The following CASK variants were observed in gnomAD, a reference collection of about 807,000 sequenced individuals.
The protein encoded by CASK is peripheral plasma membrane protein CASK.
Under a neutral mutation model 82.9 loss-of-function variants are expected in CASK, and 4 were observed. The observed-to-expected ratio is 0.05, with a 90% CI of 0.02 to 0.11. The LOEUF is 0.11. CASK is among the 10% of genes least tolerant of loss of function. CASK has a pLI of 1.00. For synonymous variants in CASK, 259 were observed against 253.5 expected (o/e 1.02, Z -0.20); for missense variants, 358 against 720.9 (o/e 0.50, Z 5.76).
chrX:41,623,354 C>T (rs2066315982), intron 10 of CASK, among the ~76,000 whole-genome samples: 2 of 112,421 alleles, frequency 1.8e-5, no homozygotes, highest in South Asian at 7.3e-4. Flanking sequence ...TATTAGATGA[C>T]AAGTTTTTAA....
At chrX:41,851,293 A>G (rs1474095004) in intron 2 of CASK, among the ~76,000 whole-genome samples, 1 of 112,138 alleles carries the variant, frequency 8.9e-6, no homozygotes, top group Non-Finnish European at 1.9e-5. Context: ...ATAGGACTTG[A>G]AGACATTTAT....
chrX:41,695,462 T>C (rs746565236), intron 5 of CASK: 21 of 430,838 alleles, frequency 4.9e-5, no homozygotes, highest in African/African-American at 4.3e-4. Context: ...ACCATAGGCG[T>C]GTGCTGGGAA....
intron 5 of CASK, among the ~76,000 whole-genome samples, chrX:41,734,373 T>C (rs1259886482): frequency 9.0e-6 from 1 of 111,206 alleles, no homozygotes; most frequent in East Asian, 2.8e-4. Flanking sequence ...TCTCAGTGCT[T>C]AGTAGAGCCC....
At chrX:41,660,750 G>C (rs1430768143) in intron 7 of CASK, among the ~76,000 whole-genome samples, 189 bp from the exon 8 acceptor site, 1 of 112,065 alleles carries the variant, frequency 8.9e-6, no homozygotes, top group Non-Finnish European at 1.9e-5. Context: ...TACTACATAA[G>C]AATTTGTGTT....
At chrX:41,802,875 T>C (rs59920901) in intron 2 of CASK, among the ~76,000 whole-genome samples, 1 of 111,485 alleles carries the variant, frequency 9.0e-6, no homozygotes, top group African/African-American at 3.3e-5. Flanking sequence ...CCATATGCTA[T>C]ATATTTTCAA....
chrX:41,913,026 T>G (rs930187871), intron 1 of CASK, among the ~76,000 whole-genome samples: 1 of 109,505 alleles, frequency 9.1e-6, no homozygotes, highest in African/African-American at 3.3e-5. Flanking sequence ...TCCTCTGTAA[T>G]GATTTCCCCA....
At chrX:41,567,513 G>A (rs2065337177) in intron 16 of CASK, among the ~76,000 whole-genome samples, 1 of 112,589 alleles carries the variant, frequency 8.9e-6, no homozygotes, top group South Asian at 3.6e-4. Flanking sequence ...GGTCATCAGA[G>A]AAATGCAAAT....
intron 8 of CASK, among the ~76,000 whole-genome samples, chrX:41,641,575 A>C (rs2066654452): frequency 8.9e-6 from 1 of 111,936 alleles, no homozygotes; most frequent in African/African-American, 3.2e-5. Flanking sequence ...GGTGTTAAAT[A>C]GGTATCATTT....
intron 2 of CASK, among the ~76,000 whole-genome samples, chrX:41,821,665 A>T (rs2147904988): frequency 8.9e-6 from 1 of 112,725 alleles, no homozygotes; most frequent in South Asian, 3.7e-4. Flanking sequence ...AAATGGATTT[A>T]AAAACTTTGC....
At chrX:41,543,820 T>C (rs768648561) in intron 21 of CASK, among the ~76,000 whole-genome samples, 13 of 112,286 alleles carry the variant, frequency 1.2e-4, no homozygotes, top group Non-Finnish European at 2.4e-4. Context: ...TTTACACTCC[T>C]ACCAGCAGTG....
At chrX:41,604,181 G>T (rs1445244480) in intron 12 of CASK, among the ~76,000 whole-genome samples, 1 of 108,426 alleles carries the variant, frequency 9.2e-6, no homozygotes, top group Non-Finnish European at 1.9e-5. Flanking sequence ...CACACGTGAA[G>T]AATTAATTCA....
chrX:41,744,640 G>A (rs983303245), intron 4 of CASK, among the ~76,000 whole-genome samples: 11 of 111,431 alleles, frequency 9.9e-5, no homozygotes, highest in African/African-American at 2.0e-4. Context: ...CACCGCGCCC[G>A]GCCCATATTT....
At chrX:41,695,735 A>T in intron 5 of CASK, 1 of 1,209,927 alleles carries the variant, frequency 8.3e-7, no homozygotes, top group Non-Finnish European at 1.1e-6. Flanking sequence ...ACCAACCGCC[A>T]CAAAACTTCT....
At chrX:41,681,939 T>C (rs1204655730) in intron 5 of CASK, among the ~76,000 whole-genome samples, 5 of 104,070 alleles carry the variant, frequency 4.8e-5, no homozygotes, top group Non-Finnish European at 9.8e-5. Context: ...AGAGCGAGAC[T>C]CCATCTTAAA....
chrX:41,727,369 A>G (rs778265760), intron 5 of CASK: 1 of 1,208,694 alleles, frequency 8.3e-7, no homozygotes, highest in Admixed American at 2.2e-5. Context: ...TTGGATTGCC[A>G]TAAGCCGCTA....
intron 5 of CASK, chrX:41,696,826 T>C (rs1235935550): frequency 2.4e-6 from 2 of 830,287 alleles, no homozygotes; most frequent in African/African-American, 4.1e-5. Flanking sequence ...CTTAATTCTT[T>C]GAAGAACTAA....
At chrX:41,852,521 T>C (rs1053824034) in intron 2 of CASK, among the ~76,000 whole-genome samples, 2 of 111,745 alleles carry the variant, frequency 1.8e-5, no homozygotes, top group African/African-American at 6.5e-5. Flanking sequence ...AATAAAACTT[T>C]AAAATGTTTA....
chrX:41,798,633 G>A (rs2069919987), intron 2 of CASK, among the ~76,000 whole-genome samples: 1 of 112,238 alleles, frequency 8.9e-6, no homozygotes, highest in Non-Finnish European at 1.9e-5. Flanking sequence ...TCAGGAATCT[G>A]AGACTAGCCT....
chrX:41,632,212 A>G (rs1426223675), intron 9 of CASK, among the ~76,000 whole-genome samples: 1 of 112,272 alleles, frequency 8.9e-6, no homozygotes, highest in Non-Finnish European at 1.9e-5. Context: ...TGCTATCTCA[A>G]TTTACTGCCT....
Sources: gnomAD v4.1 joint callset for allele counts (sites outside exome capture counted in the v4.1 genomes callset) on GRCh38, gnomAD v4.1.1 for gene constraint, MANE v1.5 for transcripts, NCBI Gene and HGNC (gene_info 2026-07-23, HGNC 2026-07-21) for gene names.